UBR4: variants seen among roughly 807,000 people sequenced by gnomAD.
The protein encoded by UBR4 is E3 ubiquitin-protein ligase UBR4.
A neutral mutation model predicts 575.6 loss-of-function variants in UBR4; 124 were observed. The observed-to-expected ratio is 0.22, with a 90% CI of 0.19 to 0.25. The LOEUF (loss-of-function observed/expected upper bound fraction) is 0.25, where lower values mean the gene tolerates loss of function less well. Among genes scored for constraint, UBR4 ranks in the 10% least tolerant of loss-of-function variants. UBR4 has a pLI of 1.00. For missense variants in UBR4, 4,818 were observed against 6,478.8 expected (o/e 0.74, Z 8.80); for synonymous variants, 2,455 against 2,473.7 (o/e 0.99, Z 0.22).
At chr1:19,161,560 C>T in intron 37 of UBR4, 29 bp downstream of exon 37, 1 of 1,561,014 alleles carries the variant, frequency 6.4e-7, no homozygotes, top group South Asian at 1.2e-5. Flanking sequence ...AACAAGCCAC[C>T]CTTTATAGCT....
intron 62 of UBR4, 145 bp from the exon 63 acceptor site, chr1:19,127,884 T>C (rs1238088301): frequency 1.0e-5 from 7 of 678,880 alleles, no homozygotes; most frequent in African/African-American, 1.8e-5. Context: ...AGTATATCCA[T>C]GGACTATACT....
At chr1:19,096,679 T>TG (rs2078084359) in intron 91 of UBR4, 29 bp from the exon 92 acceptor site, 1 of 1,612,344 alleles carries the variant, frequency 6.2e-7, no homozygotes, top group African/African-American at 1.3e-5. Context: ...CAAGCAGAAA[T>TG]GGAGGGTAAG....
chr1:19,106,969 G>A lies in UBR4; in HGVS notation c.12106-3C>T. The stretch of plus-strand genomic sequence containing the variant: ...GTGAGGGCCTCAACGGGGACATCCT[G>A]GAGGAGGCAAGTGGAGCAAGGTGAG... On this transcript the variant is annotated splice_region_variant and splice_polypyrimidine_tract_variant and intron_variant, in intron 81 of 105. Transcript: ENST00000375254. 1 of 1,611,670 alleles carries A rather than the reference G, an allele frequency of 6.2e-7. No individual in the cohort carries two copies.
At chr1:19,081,825 C>A (rs1182113260) in intron 102 of UBR4, 1 of 678,938 alleles carries the variant, frequency 1.5e-6, no homozygotes, top group Non-Finnish European at 2.7e-6. Context: ...CCTACCCCAG[C>A]TCTAATACAA....
At chr1:19,140,938 A>C (rs769281980) in intron 57 of UBR4, 46 bp from the exon 58 acceptor site, 15 of 1,552,750 alleles carry the variant, frequency 9.7e-6, no homozygotes, top group Non-Finnish European at 1.3e-5. Flanking sequence ...TCCAGGTCCC[A>C]TCCACAGCGC....
intron 38 of UBR4, among the ~76,000 whole-genome samples, chr1:19,160,631 G>A (rs548087363): frequency 6.1e-4 from 93 of 152,208 alleles, no homozygotes; most frequent in African/African-American, 2.0e-3. Flanking sequence ...CACTCAAATC[G>A]TTTTGTTTTC....
At chr1:19,174,082 G>T (rs1438234423) in intron 22 of UBR4, among the ~76,000 whole-genome samples, 1 of 152,068 alleles carries the variant, frequency 6.6e-6, no homozygotes, top group African/African-American at 2.4e-5. Flanking sequence ...GCACTTGGGG[G>T]GGGACCACTA....
intron 87 of UBR4, among the ~76,000 whole-genome samples, chr1:19,102,659 A>G (rs758772474): frequency 6.6e-6 from 1 of 152,216 alleles, no homozygotes; most frequent in Non-Finnish European, 1.5e-5. Context: ...GGAGATAAGC[A>G]AAACACGAGT....
chr1:19,166,627 C>T (rs899602307), intron 29 of UBR4, among the ~76,000 whole-genome samples: 3 of 147,702 alleles, frequency 2.0e-5, no homozygotes, highest in Non-Finnish European at 3.0e-5. Flanking sequence ...CCTGTAATCC[C>T]AGCATTTTGG....
At position 19,148,105 on chromosome 1, in the gene UBR4, T is replaced by C. The variant is rs777875038; in HGVS notation, c.7517A>G (p.Gln2506Arg). Residue 2506 changes from glutamine to arginine, a missense_variant, in exon 51 of 106, where the codon CAG (glutamine) becomes CGG (arginine). Physicochemically the swap from Gln to Arg is conservative, Grantham distance 43. Coordinates refer to ENST00000375254, the MANE Select transcript of UBR4 (RefSeq NM_020765.3). ...IEKERNKNAA[Q>R]ELATLLLSLP... is the part of the protein sequence containing the mutation. ...GGACAACAGCAAAGTGGCCAGCTCC[T>C]GAGCAGCATTCTTGTTTCTCTCCTA... 4.4e-6 allele frequency: 7 copies of C among 1,608,886 alleles called. No individual in the cohort carries two copies. In the African/African-American group the frequency reaches 6.7e-5, roughly 15 times the overall value.
intron 17 of UBR4, among the ~76,000 whole-genome samples, chr1:19,180,541 CA>C (rs11409299): frequency 0.015 from 1,663 of 108,712 alleles, 25 homozygotes; most frequent in African/African-American, 0.047. Flanking sequence ...TGAAACAATT[CA>C]AAAAAAAAAA....
chr1:19,187,413 C>T, intron 12 of UBR4, 28 bp downstream of exon 12: 6 of 1,612,892 alleles, frequency 3.7e-6, no homozygotes, highest in Non-Finnish European at 5.1e-6. Context: ...AATCAATATG[C>T]TGATTACCAT....
intron 49 of UBR4, 120 bp from the exon 50 acceptor site, chr1:19,148,746 C>A: frequency 1.9e-6 from 2 of 1,076,114 alleles, no homozygotes; most frequent in Non-Finnish European, 1.4e-6. Context: ...AATACAAAAT[C>A]AAAGCACAAT....
chr1:19,190,312 A>AAAAAAAAAAGATATATATAT, intron 11 of UBR4, among the ~76,000 whole-genome samples: 1 of 79,922 alleles, frequency 1.3e-5, no homozygotes, highest in Non-Finnish European at 2.3e-5. Context: ...AAAAAAAAAA[A>AAAAAAAAAAGATATATATAT]ATATATATAT....
rs1171897222 is a variant in UBR4, at chr1:19,110,371, C to T, written c.11977+9G>A. On this transcript the variant is annotated intron_variant, in intron 80 of 105. Coordinates refer to ENST00000375254, the MANE Select transcript of UBR4 (RefSeq NM_020765.3). This position sits in a 1 kb window ranked among gnomAD's most constrained non-coding sequence, Gnocchi z 4.5. The stretch of plus-strand genomic sequence containing the variant: ...CTCCTTTCCTTTCTCTGAAAATCCC[C>T]TAACTCACCACAGCGTAACCGGAGC... 9.3e-6 allele frequency: 15 copies of T among 1,614,098 alleles called. No individual in the cohort carries two copies. Among genetic ancestry groups the T allele is most frequent in the Non-Finnish European group, 1.3e-5 (15 of 1,179,974 alleles).
At chr1:19,149,970 T>C (rs561719594) in intron 49 of UBR4, among the ~76,000 whole-genome samples, 3 of 152,222 alleles carry the variant, frequency 2.0e-5, no homozygotes, top group South Asian at 4.1e-4. Flanking sequence ...AGGCTATTCT[T>C]GTGACTTACA....
chr1:19,183,127 T>G (rs1256095679), intron 17 of UBR4, among the ~76,000 whole-genome samples: 3 of 152,238 alleles, frequency 2.0e-5, no homozygotes, highest in Non-Finnish European at 2.9e-5. Context: ...ACACACATTT[T>G]AATTTGTCTT....
Position 19,076,729 on chromosome 1 carries a change from T to C in UBR4, c.15487+11A>G. On this transcript the variant is annotated intron_variant, in intron 105 of 105. Transcript: ENST00000375254. The stretch of plus-strand genomic sequence containing the variant: ...CGGAGGATCTTTAAAAGAGAAAACC[T>C]TGACACTAACCGGCCACATCGAGGA... The C allele has an allele frequency of 3.1e-6, 5 of 1,614,104 alleles. No individual in the cohort carries two copies. Among genetic ancestry groups the C allele is most frequent in the Non-Finnish European group, 2.5e-6 (3 of 1,180,012 alleles).
At position 19,150,615 on chromosome 1, in the gene UBR4, T is replaced by G. The variant is rs750279722; in HGVS notation, c.7392A>C (p.Ser2464=). Residue 2464 remains serine (S), a synonymous_variant, in exon 49 of 106, where the codon TCA becomes TCC. Transcript: ENST00000375254. Reference sequence around the variant, plus strand: ...TTCCACTGGTCGTAGTGGGGGCAGCTGAGTCGCTATCTCCAGTGCCGTTGC... The same window carrying G: ...TTCCACTGGTCGTAGTGGGGGCAGCGGAGTCGCTATCTCCAGTGCCGTTGC... ...NQSNGTGDSD[S]AAPTTTSGTV... 5.6e-5 allele frequency: 91 copies of G among 1,613,692 alleles called. No homozygotes were observed. Among genetic ancestry groups the G allele is most frequent in the Admixed American group, 8.3e-5 (5 of 60,006 alleles).
Sources: allele counts gnomAD v4.1 joint callset (sites outside exome capture counted in the v4.1 genomes callset), GRCh38; gene constraint gnomAD v4.1.1; non-coding constraint Gnocchi (gnomAD v3.1); transcripts MANE v1.5; gene names NCBI Gene and HGNC (gene_info 2026-07-23, HGNC 2026-07-21).